PHTF2: variants seen among roughly 807,000 people sequenced by gnomAD.
The protein encoded by PHTF2 is putative homeodomain transcription factor 2.
A neutral mutation model predicts 101.2 loss-of-function variants in PHTF2; 60 were observed. That is an observed-to-expected ratio of 0.59 (90% CI 0.48 to 0.73). The LOEUF (loss-of-function observed/expected upper bound fraction) is 0.73, where lower values mean the gene tolerates loss of function less well. Among genes scored for constraint, PHTF2 ranks in the 30% least tolerant of loss-of-function variants. The pLI, the probability that PHTF2 is intolerant of heterozygous loss-of-function variation, is 0.00. For missense variants in PHTF2, 747 were observed against 908.7 expected (o/e 0.82, Z 2.29); for synonymous variants, 311 against 307.3 (o/e 1.01, Z -0.13).
intron 3 of PHTF2, among the ~76,000 whole-genome samples, chr7:77,861,287 A>T (rs1038466542): frequency 6.6e-6 from 1 of 152,170 alleles, no homozygotes; most frequent in African/African-American, 2.4e-5. Flanking sequence ...AACAAAACAA[A>T]TGATGCATTA....
chr7:77,827,842 C>T (rs1427147994), intron 1 of PHTF2, among the ~76,000 whole-genome samples: 1 of 151,792 alleles, frequency 6.6e-6, no homozygotes, highest in Non-Finnish European at 1.5e-5. Flanking sequence ...CTGAGTTTCA[C>T]CATGTTGGTC....
At chr7:77,861,483 A>C (rs1425279538) in intron 3 of PHTF2, among the ~76,000 whole-genome samples, 1 of 152,162 alleles carries the variant, frequency 6.6e-6, no homozygotes, top group African/African-American at 2.4e-5. Flanking sequence ...ATAGAGTAGA[A>C]ATGACCATTT....
intron 1 of PHTF2, among the ~76,000 whole-genome samples, chr7:77,805,630 A>T (rs1792913282): frequency 6.6e-6 from 1 of 152,226 alleles, no homozygotes; most frequent in South Asian, 2.1e-4. Flanking sequence ...AGAATCCTTG[A>T]TAAATTCCTT....
At chr7:77,818,215 T>A (rs1794009112) in intron 1 of PHTF2, among the ~76,000 whole-genome samples, 1 of 152,228 alleles carries the variant, frequency 6.6e-6, no homozygotes, top group African/African-American at 2.4e-5. Flanking sequence ...ATAGGTTATC[T>A]TTTTACTCTG....
At chr7:77,845,114 A>G (rs1374914910) in intron 2 of PHTF2, among the ~76,000 whole-genome samples, 1 of 152,166 alleles carries the variant, frequency 6.6e-6, no homozygotes, top group Non-Finnish European at 1.5e-5. Flanking sequence ...AAGGAGAGGG[A>G]ATGGAGTTAC....
intron 3 of PHTF2, among the ~76,000 whole-genome samples, chr7:77,886,845 G>T (rs995211234): frequency 1.4e-4 from 21 of 151,864 alleles, no homozygotes; most frequent in African/African-American, 5.1e-4. Context: ...AGAGTTCAAG[G>T]CCACATAGGG....
intron 1 of PHTF2, among the ~76,000 whole-genome samples, chr7:77,839,532 A>T (rs1795712108): frequency 6.6e-6 from 1 of 152,222 alleles, no homozygotes; most frequent in Admixed American, 6.5e-5. Context: ...TCAGTAGCTT[A>T]ATTTTTTTCA....
intron 9 of PHTF2, among the ~76,000 whole-genome samples, chr7:77,915,724 T>C (rs1454797198): frequency 1.3e-5 from 2 of 152,178 alleles, no homozygotes; most frequent in African/African-American, 2.4e-5. Flanking sequence ...TCCAAGCTTC[T>C]AGGGTTTTTT....
intron 1 of PHTF2, among the ~76,000 whole-genome samples, chr7:77,838,191 G>A (rs1393130092): frequency 6.6e-6 from 1 of 152,166 alleles, no homozygotes; most frequent in East Asian, 1.9e-4. Context: ...ATACAAGGTG[G>A]TTGAAGTTAA....
chr7:77,936,449 G>A (rs191220266), intron 12 of PHTF2, among the ~76,000 whole-genome samples: 161 of 152,092 alleles, frequency 1.1e-3, no homozygotes, highest in Admixed American at 1.8e-3. Flanking sequence ...GGCTTAGGTG[G>A]GCAGATCACA....
At chr7:77,951,825 T>C (rs1806573949) in intron 18 of PHTF2, 113 bp downstream of exon 17, 1 of 580,690 alleles carries the variant, frequency 1.7e-6, no homozygotes, top group African/African-American at 2.0e-5. Flanking sequence ...ATCCAAGTTG[T>C]TTCCAAATTA....
intron 3 of PHTF2, among the ~76,000 whole-genome samples, chr7:77,858,317 G>A (rs1797342854): frequency 6.6e-6 from 1 of 152,068 alleles, no homozygotes; most frequent in Admixed American, 6.6e-5. Context: ...TTGGGTTTTA[G>A]TTTTATTTGT....
intron 11 of PHTF2, among the ~76,000 whole-genome samples, chr7:77,928,114 G>A (rs1371738933): frequency 6.6e-6 from 1 of 151,578 alleles, no homozygotes; most frequent in East Asian, 1.9e-4. Flanking sequence ...GTCGGTGATA[G>A]CAAAGGAAAG....
At chr7:77,893,849 T>G in intron 4 of PHTF2, 133 bp from the exon 4 acceptor site, 1 of 741,630 alleles carries the variant, frequency 1.3e-6, no homozygotes, top group East Asian at 2.6e-5. Flanking sequence ...TTTTTCTTTT[T>G]ATCATCTTTC....
At chr7:77,819,566 C>T (rs961000599) in intron 1 of PHTF2, among the ~76,000 whole-genome samples, 2 of 152,186 alleles carry the variant, frequency 1.3e-5, no homozygotes, top group Non-Finnish European at 2.9e-5. Flanking sequence ...ACCGTCCTTG[C>T]GTTCCTCAGA....
chr7:77,923,202 CTT>C, intron 11 of PHTF2: 3 of 920,140 alleles, frequency 3.3e-6, no homozygotes, highest in Non-Finnish European at 3.9e-6. Context: ...GTTCTTTTTT[CTT>C]TGTTTCTATT....
intron 7 of PHTF2, 39 bp from the exon 7 acceptor site, chr7:77,908,746 TGACTATCA>T: frequency 8.2e-7 from 1 of 1,220,156 alleles, no homozygotes; most frequent in Non-Finnish European, 1.1e-6. Flanking sequence ...TTTGAAGAGG[TGACTATCA>T]GATCTATAAT....
At chr7:77,932,615 A>AGTGTGT (rs1804695857) in intron 12 of PHTF2, among the ~76,000 whole-genome samples, 1 of 114,458 alleles carries the variant, frequency 8.7e-6, no homozygotes, top group Non-Finnish European at 1.8e-5. Flanking sequence ...AGAGAGAGAG[A>AGTGTGT]GAGAGAGTGT....
chr7:77,940,831 G>GA (rs1180572003), intron 15 of PHTF2, among the ~76,000 whole-genome samples, 172 bp downstream of exon 14: 1 of 152,066 alleles, frequency 6.6e-6, no homozygotes, highest in Non-Finnish European at 1.5e-5. Context: ...CCAGCAGAGG[G>GA]AGCCCACTAC....
Sources: allele counts gnomAD v4.1 joint callset (sites outside exome capture counted in the v4.1 genomes callset), GRCh38; gene constraint gnomAD v4.1.1; transcripts MANE v1.5; gene names NCBI Gene and HGNC (gene_info 2026-07-23, HGNC 2026-07-21).